Variants in WDR35 observed in about 807,000 individuals in gnomAD.
WDR35 encodes the protein WD repeat-containing protein 35.
WDR35 carries 118 observed loss-of-function variants against 158.3 expected under a neutral mutation model. The observed-to-expected ratio is 0.75, with a 90% confidence interval of 0.64 to 0.87. The LOEUF is 0.87. Among genes scored for constraint, WDR35 ranks in the 40% least tolerant of loss-of-function variants. The pLI, the probability that WDR35 is intolerant of heterozygous loss-of-function variation, is 0.00. For synonymous variants in WDR35, 448 were observed against 476.1 expected (o/e 0.94, Z 0.77); for missense variants, 1,263 against 1,405.8 (o/e 0.90, Z 1.62).
chr2:19,928,051 C>G (rs1181562671), intron 25 of WDR35, among the ~76,000 whole-genome samples: 1 of 152,174 alleles, frequency 6.6e-6, no homozygotes, highest in Non-Finnish European at 1.5e-5. Flanking sequence ...CCAAAACTGG[C>G]CATAAACAAA....
chr2:19,942,285 C>T (rs928671143), intron 16 of WDR35, among the ~76,000 whole-genome samples: 5 of 152,094 alleles, frequency 3.3e-5, no homozygotes, highest in African/African-American at 1.2e-4. Flanking sequence ...AGCTGATAAA[C>T]ACTATATTTG....
chr2:19,980,784 C>A lies in WDR35; in HGVS notation c.215-1G>T, dbSNP rs772945699. The A allele has an allele frequency of 6.8e-6, 11 of 1,613,024 alleles. No individual in the cohort carries two copies. The highest frequency in any genetic ancestry group is 9.3e-6 in the Non-Finnish European group (11 of 1,179,290). ...TTCCATGTTACAACTTGAACAGAAC[C>A]TAGAACATTATAAAACAATTTAGAA... On this transcript the variant is annotated splice_acceptor_variant, in intron 3 of 26. Transcript: ENST00000281405. LOFTEE classifies it high-confidence loss of function.
chr2:19,946,610 C>A (rs769061214), intron 14 of WDR35, 40 bp from the exon 15 acceptor site: 25 of 1,546,602 alleles, frequency 1.6e-5, no homozygotes, highest in Admixed American at 3.3e-5. Flanking sequence ...ATACGTGTAT[C>A]ATAATAATAT....
rs1226838536 is a variant in WDR35 at position 19,914,140 on chromosome 2, T to C, written c.3259A>G (p.Ser1087Gly). Residue 1087 changes from serine (S) to glycine (G), a missense_variant, in exon 26 of 27, where the codon AGT becomes GGT. Physicochemically the swap from Ser to Gly is moderately conservative, Grantham distance 56. Coordinates refer to ENST00000281405, the MANE Select transcript of WDR35 (RefSeq NM_020779.4). ...FIKLKSLETL[S>G]SEQKQQYEDL... ...TCATACTGCTGTTTCTGTTCTGAACTGAGGGTCTCTAAAGATTTAAGTTTA... is the reference window on the plus strand; with the variant it reads ...TCATACTGCTGTTTCTGTTCTGAACCGAGGGTCTCTAAAGATTTAAGTTTA... 2 of 1,614,210 alleles carry C rather than the reference T, an allele frequency of 1.2e-6. No homozygotes were observed.
At chr2:19,936,154 A>G in intron 20 of WDR35, 65 bp downstream of exon 20, 2 of 1,601,222 alleles carry the variant, frequency 1.2e-6, no homozygotes, top group South Asian at 2.2e-5. Flanking sequence ...TACTTCCTAG[A>G]GAAGTACTCA....
chr2:19,913,963 A>G (rs1669914056), intron 26 of WDR35, 74 bp downstream of exon 26: 1 of 1,601,254 alleles, frequency 6.2e-7, no homozygotes, highest in Non-Finnish European at 8.5e-7. Context: ...TAATTCCTAC[A>G]TTAAACATTG....
intron 11 of WDR35, among the ~76,000 whole-genome samples, chr2:19,954,488 C>A (rs1671359474): frequency 6.6e-6 from 1 of 152,006 alleles, no homozygotes; most frequent in Non-Finnish European, 1.5e-5. Flanking sequence ...AGACAAATAG[C>A]CCAATTTAAA....
intron 2 of WDR35, among the ~76,000 whole-genome samples, chr2:19,983,833 G>A (rs1217099963): frequency 6.6e-6 from 1 of 152,076 alleles, no homozygotes; most frequent in East Asian, 1.9e-4. Flanking sequence ...TAGAATAAAT[G>A]TTGCTGACAC....
At chr2:19,983,461 A>C (rs987586597) in intron 2 of WDR35, among the ~76,000 whole-genome samples, 1 of 152,218 alleles carries the variant, frequency 6.6e-6, no homozygotes, top group Non-Finnish European at 1.5e-5. Flanking sequence ...AAACCTCTAA[A>C]GACGTCTTAA....
intron 11 of WDR35, among the ~76,000 whole-genome samples, chr2:19,957,657 A>G (rs1446376419): frequency 1.3e-5 from 2 of 151,640 alleles, no homozygotes; most frequent in African/African-American, 4.9e-5. Flanking sequence ...GGTTCAAGCG[A>G]TTCTCCTGCC....
chr2:19,932,077 T>C (rs1484915617), intron 23 of WDR35, among the ~76,000 whole-genome samples: 1 of 152,120 alleles, frequency 6.6e-6, no homozygotes, highest in East Asian at 1.9e-4. Context: ...TACAATTGTT[T>C]AGGTATTAGT....
chr2:19,976,879 G>A (rs900195081), intron 5 of WDR35, among the ~76,000 whole-genome samples: 7 of 151,760 alleles, frequency 4.6e-5, no homozygotes, highest in Admixed American at 2.0e-4. Context: ...GAGTGTAGTG[G>A]TAAGATGATG....
intron 25 of WDR35, among the ~76,000 whole-genome samples, chr2:19,923,191 CTG>C (rs576013063): frequency 6.6e-6 from 1 of 152,156 alleles, no homozygotes; most frequent in Non-Finnish European, 1.5e-5. Flanking sequence ...CTCTATATTT[CTG>C]TGTGTGTGTT....
Position 19,941,715 on chromosome 2 carries a change from C to A in WDR35, c.1926+44G>T, listed in dbSNP as rs766263436. ...CTACACCGCCTGGTCCAGAAATAATCCCCTGTCAAGCTAGCAACAGAAATG... is the reference window on the plus strand; with the variant it reads ...CTACACCGCCTGGTCCAGAAATAATACCCTGTCAAGCTAGCAACAGAAATG... On this transcript the variant is annotated intron_variant, in intron 17 of 26. Transcript: ENST00000281405. 7.2e-6 allele frequency: 10 copies of A among 1,389,256 alleles called. No homozygotes were observed. In the Admixed American group the frequency reaches 1.6e-4, roughly 22 times the overall value. The allele number at this position is 1,389,256 out of a possible 1,614,324, so 86.1% of individuals were successfully genotyped here.
At chr2:19,957,185 ATTAG>A (rs1345465606) in intron 11 of WDR35, among the ~76,000 whole-genome samples, 1 of 152,208 alleles carries the variant, frequency 6.6e-6, no homozygotes, top group African/African-American at 2.4e-5. Flanking sequence ...ATTAAGAAGT[ATTAG>A]TTAGACATGG....
At chr2:19,988,325 TCTGAGGACCAG>T (rs1295739938) in intron 2 of WDR35, among the ~76,000 whole-genome samples, 2 of 152,220 alleles carry the variant, frequency 1.3e-5, no homozygotes, top group African/African-American at 4.8e-5. Context: ...CAAAGTGCGG[TCTGAGGACCAG>T]CAACTCAGCT....
intron 25 of WDR35, among the ~76,000 whole-genome samples, chr2:19,914,602 G>A (rs974333352): frequency 6.6e-6 from 1 of 152,118 alleles, no homozygotes; most frequent in African/African-American, 2.4e-5. Flanking sequence ...AGAAATTTCT[G>A]TGGCACTTCA....
At chr2:19,932,235 ATATTGTGACTG>A in intron 23 of WDR35, 37 bp downstream of exon 23, 1 of 1,608,606 alleles carries the variant, frequency 6.2e-7, no homozygotes, top group Non-Finnish European at 8.5e-7. Flanking sequence ...ATATATTAAA[ATATTGTGACTG>A]GAACAAATCA....
chr2:19,973,391 A>G (rs1672087994), intron 8 of WDR35, among the ~76,000 whole-genome samples, 172 bp downstream of exon 8: 1 of 152,148 alleles, frequency 6.6e-6, no homozygotes, highest in Admixed American at 6.5e-5. Flanking sequence ...TTATAAAACT[A>G]TAAGATTATA....
Sources: allele counts gnomAD v4.1 joint callset (sites outside exome capture counted in the v4.1 genomes callset), GRCh38; gene constraint gnomAD v4.1.1; transcripts MANE v1.5; gene names NCBI Gene and HGNC (gene_info 2026-07-23, HGNC 2026-07-21).